NUP205: variants seen among roughly 807,000 people sequenced by gnomAD.
NUP205 encodes the protein nuclear pore complex protein Nup205.
In NUP205, 76 loss-of-function variants were observed where a neutral mutation model predicts 253.8. The observed-to-expected ratio is 0.30, with a 90% CI of 0.25 to 0.36. NUP205 has a LOEUF of 0.36. NUP205 is among the 10% of genes least tolerant of loss of function. NUP205 has a pLI of 1.00. For missense variants in NUP205, 2,162 were observed against 2,425.5 expected (o/e 0.89, Z 2.28); for synonymous variants, 832 against 850.1 (o/e 0.98, Z 0.37).
At chr7:135,587,324 T>C (rs578215856) in intron 8 of NUP205, among the ~76,000 whole-genome samples, 61 of 152,194 alleles carry the variant, frequency 4.0e-4, no homozygotes, top group Non-Finnish European at 6.6e-4. Context: ...ATGTCCCCAC[T>C]GAGAAATACT....
At chr7:135,634,367 G>A (rs770536592) in intron 35 of NUP205, among the ~76,000 whole-genome samples, 1 of 152,178 alleles carries the variant, frequency 6.6e-6, no homozygotes, top group African/African-American at 2.4e-5. Context: ...TTGACATGCA[G>A]GGGAAAGTGA....
At chr7:135,600,849 C>T in intron 15 of NUP205, 21 bp from the exon 16 acceptor site, 1 of 1,451,146 alleles carries the variant, frequency 6.9e-7, no homozygotes, top group Non-Finnish European at 9.6e-7. Context: ...TTGTTATTGA[C>T]CTATTTATAT....
intron 7 of NUP205, among the ~76,000 whole-genome samples, chr7:135,581,668 G>A (rs1806307961): frequency 6.6e-6 from 1 of 151,538 alleles, no homozygotes; most frequent in Non-Finnish European, 1.5e-5. Flanking sequence ...ACTGGCGAAC[G>A]TGGTAAAAGC....
chr7:135,626,343 C>G lies in NUP205; in HGVS notation c.4775C>G (p.Pro1592Arg), dbSNP rs748504230. The part of the protein sequence containing the change: ...LAQCQVYDMR[P>R]ETDPQSMFGM... Reference sequence around the variant, plus strand: ...CAATGCCAAGTCTATGACATGCGCCCAGAAACGGACCCGCAGAGGTAAGTG... The same window carrying G: ...CAATGCCAAGTCTATGACATGCGCCGAGAAACGGACCCGCAGAGGTAAGTG... Residue 1592 changes from proline to arginine, a missense_variant, in exon 33 of 43, where the codon CCA (proline) becomes CGA (arginine). Coordinates refer to ENST00000285968, the MANE Select transcript of NUP205 (RefSeq NM_015135.3). 1 of 1,614,046 alleles carries G rather than the reference C, an allele frequency of 6.2e-7. No individual in the cohort carries two copies. Among genetic ancestry groups the G allele is most frequent in the Admixed American group, 1.7e-5 (1 of 60,002 alleles).
chr7:135,563,481 C>T (rs1315411166), intron 1 of NUP205, among the ~76,000 whole-genome samples: 1 of 152,052 alleles, frequency 6.6e-6, no homozygotes, highest in East Asian at 1.9e-4. Flanking sequence ...AGCCACTGTG[C>T]CCGGCCAGAT....
chr7:135,600,593 G>T (rs1246876413), intron 15 of NUP205, among the ~76,000 whole-genome samples: 1 of 152,086 alleles, frequency 6.6e-6, no homozygotes, highest in Non-Finnish European at 1.5e-5. Context: ...GATACTAAAT[G>T]TTTTCAATGT....
chr7:135,648,347 A>G, intron 42 of NUP205, 57 bp from the exon 43 acceptor site: 1 of 1,422,772 alleles, frequency 7.0e-7, no homozygotes, highest in Non-Finnish European at 9.3e-7. Flanking sequence ...AAGACTTAGA[A>G]TAAAAGAAAT....
Position 135,594,822 on chromosome 7 carries a change from T to C in NUP205, c.2013+93T>C, listed in dbSNP as rs544422818. The C allele has an allele frequency of 2.1e-5, 20 of 962,120 alleles. No homozygotes were observed. The Middle Eastern group carries it at 9.0e-4, about 43-fold the overall frequency. 59.6% of individuals were successfully genotyped at this position (962,120 alleles called of 1,614,324 possible). On this transcript the variant is annotated intron_variant, in intron 13 of 42. Coordinates refer to ENST00000285968, the MANE Select transcript of NUP205 (RefSeq NM_015135.3). The stretch of plus-strand genomic sequence containing the variant: ...AGCAAGAACATGCAATTGGAACTTA[T>C]AGTATATCATGAACATCCCAACTAG...
At chr7:135,647,630 C>T (rs567819916) in intron 42 of NUP205, among the ~76,000 whole-genome samples, 121 of 152,314 alleles carry the variant, frequency 7.9e-4, no homozygotes, top group African/African-American at 2.7e-3. Flanking sequence ...AGTGATTCTC[C>T]CGCCTCAGCA....
chr7:135,580,189 G>A (rs1048753426), intron 7 of NUP205, among the ~76,000 whole-genome samples: 1 of 152,080 alleles, frequency 6.6e-6, no homozygotes, highest in Non-Finnish European at 1.5e-5. Flanking sequence ...CTTATCAATC[G>A]TGTAATTCCA....
intron 14 of NUP205, 76 bp from the exon 15 acceptor site, chr7:135,597,922 T>G: frequency 8.9e-7 from 1 of 1,117,384 alleles, no homozygotes; most frequent in Non-Finnish European, 1.3e-6. Context: ...TATTAATATG[T>G]TAATGTCTGC....
intron 30 of NUP205, 76 bp from the exon 31 acceptor site, chr7:135,622,701 T>G (rs1794499440): frequency 3.9e-6 from 5 of 1,290,570 alleles, no homozygotes; most frequent in Non-Finnish European, 5.4e-6. Context: ...AGCTCATACC[T>G]AGCATGTGAG....
At position 135,616,062 on chromosome 7, in the gene NUP205, T is replaced by C. The variant is rs747651394; in HGVS notation, c.3457T>C (p.Ser1153Pro). 2 of 1,612,964 alleles carry C rather than the reference T, an allele frequency of 1.2e-6. No individual in the cohort carries two copies. Among genetic ancestry groups the C allele is most frequent in the Non-Finnish European group, 1.7e-6 (2 of 1,179,436 alleles). The part of the protein sequence containing the change: ...LLDDMPVKPY[S>P]DGEGGIEDEN... ...GGATGACATGCCAGTGAAACCATAC[T>C]CAGGTGAGTATTAGTATTTGTTTTA... Residue 1153 changes from serine (S) to proline (P), a missense_variant, in exon 24 of 43, where the codon TCA (serine) becomes CCA (proline). Physicochemically the swap from Ser to Pro is moderately conservative, Grantham distance 74. Around this residue, in one of 5 missense-constraint regions of NUP205, gnomAD observed 1,144 missense variants for 1,280.9 expected, o/e 0.89. Transcript: ENST00000285968.
chr7:135,610,636 G>A (rs940964464), intron 22 of NUP205, among the ~76,000 whole-genome samples: 1 of 152,192 alleles, frequency 6.6e-6, no homozygotes, highest in African/African-American at 2.4e-5. Flanking sequence ...GACCTGATGA[G>A]TCAGGATCTG....
chr7:135,571,098 C>T lies in NUP205; in HGVS notation c.29-7C>T, dbSNP rs534226191. On this transcript the variant is annotated splice_region_variant and splice_polypyrimidine_tract_variant and intron_variant, in intron 1 of 42. Coordinates refer to ENST00000285968, the MANE Select transcript of NUP205 (RefSeq NM_015135.3). ...TTGACGGTGGTTTCATTTATTTTTT[C>T]TTTAAGCTGCTAGTCTATGGGGTCC... The T allele has an allele frequency of 2.0e-6, 3 of 1,537,192 alleles. No individual in the cohort carries two copies. In the Admixed American group the frequency reaches 5.8e-5, roughly 30 times the overall value.
chr7:135,585,677 A>C (rs1299020583), intron 8 of NUP205, among the ~76,000 whole-genome samples: 2 of 151,592 alleles, frequency 1.3e-5, no homozygotes, highest in Non-Finnish European at 2.9e-5. Context: ...ACAGTCTCCC[A>C]AGTAGCTGGG....
At chr7:135,561,042 A>G (rs1327940029) in intron 1 of NUP205, among the ~76,000 whole-genome samples, 1 of 152,182 alleles carries the variant, frequency 6.6e-6, no homozygotes, top group Non-Finnish European at 1.5e-5. Context: ...CAGAGATTGT[A>G]GAGTTCTAAG....
intron 15 of NUP205, among the ~76,000 whole-genome samples, chr7:135,599,963 A>G (rs1355159047): frequency 6.6e-6 from 1 of 152,198 alleles, no homozygotes; most frequent in African/African-American, 2.4e-5. Context: ...TTTAAATAAA[A>G]TTTTTTGAAA....
intron 3 of NUP205, among the ~76,000 whole-genome samples, chr7:135,575,602 G>A (rs771942016): frequency 2.0e-5 from 3 of 152,152 alleles, no homozygotes; most frequent in Non-Finnish European, 4.4e-5. Flanking sequence ...CAAGACCAGC[G>A]TGGTCAACAT....
Sources: gnomAD v4.1 joint callset for allele counts (sites outside exome capture counted in the v4.1 genomes callset) on GRCh38, gnomAD v4.1.1 for gene constraint, gnomAD v4.1.1 regional missense constraint, MANE v1.5 for transcripts, NCBI Gene and HGNC (gene_info 2026-07-23, HGNC 2026-07-21) for gene names.